Variants in PADI6 observed in about 807,000 individuals in gnomAD.
The protein encoded by PADI6 is peptidyl arginine deiminase 6, also known as inactive protein-arginine deiminase type-6.
A neutral mutation model predicts 78.2 loss-of-function variants in PADI6; 66 were observed. The observed-to-expected ratio is 0.84, with a 90% CI of 0.69 to 1.04. PADI6 has a LOEUF of 1.04. Ranked by LOEUF, PADI6 falls within the 50% of genes least tolerant of loss-of-function variation. The pLI, the probability that PADI6 is intolerant of heterozygous loss-of-function variation, is 0.00. For synonymous variants in PADI6, 397 were observed against 346.9 expected (o/e 1.14, Z -1.60); for missense variants, 854 against 866.1 (o/e 0.99, Z 0.18).
In PADI6 at chr1:17,398,980, C is replaced by A. The variant is rs1180074242; in HGVS notation, c.1851+133C>A. The A allele has an allele frequency of 4.9e-6, 5 of 1,020,732 alleles. No individual in the cohort carries two copies. The Admixed American group carries it at 7.4e-5, about 15-fold the overall frequency. 63.2% of individuals were successfully genotyped at this position (1,020,732 alleles called of 1,614,324 possible). A position where few individuals can be genotyped will look rare whatever the true frequency, so the allele number is the denominator to read the frequency against. On this transcript the variant is annotated intron_variant, in intron 15 of 15. Transcript: ENST00000619609. ...CCTATGAGGAAATGGGAGGGAGACC[C>A]CTTCTCCCCCATCTCGGTTAGGGAC...
chr1:17,375,898 C>G (rs575864722), intron 3 of PADI6, among the ~76,000 whole-genome samples: 2 of 152,264 alleles, frequency 1.3e-5, no homozygotes, highest in East Asian at 3.9e-4. Flanking sequence ...TCAATTCTTA[C>G]CAATGTAAGA....
At chr1:17,383,073 G>A (rs898797126) in intron 6 of PADI6, among the ~76,000 whole-genome samples, 1 of 152,188 alleles carries the variant, frequency 6.6e-6, no homozygotes, top group South Asian at 2.1e-4. Context: ...GTGAGCTACT[G>A]CACCCGGCCC....
At chr1:17,395,711 C>G (rs1204535382) in intron 13 of PADI6, 48 bp downstream of exon 13, 2 of 1,570,050 alleles carry the variant, frequency 1.3e-6, no homozygotes, top group Admixed American at 3.5e-5. Context: ...CTTCCTTTTT[C>G]CAGGGGTCCT....
At position 17,398,643 on chromosome 1, in the gene PADI6, CT is replaced by C. The variant is rs1364505927; in HGVS notation, c.1690-41del. 1.4e-4 allele frequency: 93 copies of C among 682,330 alleles called. 2 individuals are homozygous for C. The highest frequency in any genetic ancestry group is 9.1e-6 in the Non-Finnish European group (4 of 439,148). 42.3% of individuals were successfully genotyped at this position (682,330 alleles called of 1,614,324 possible). A position where few individuals can be genotyped will look rare whatever the true frequency, so the allele number is the denominator to read the frequency against. On this transcript the variant is annotated intron_variant, in intron 14 of 15. Coordinates refer to ENST00000619609, the MANE Select transcript of PADI6 (RefSeq NM_207421.4). ...TGGTTTTAATTCCTGATGAGCTCTC[CT>C]TGCTCCCCCGCCCCCCCCCCCACCC...
At chr1:17,391,764 C>G (rs942667440) in intron 8 of PADI6, among the ~76,000 whole-genome samples, 1 of 152,174 alleles carries the variant, frequency 6.6e-6, no homozygotes, top group Non-Finnish European at 1.5e-5. Context: ...TGCGGTGAGT[C>G]AGATCATGCC....
intron 8 of PADI6, among the ~76,000 whole-genome samples, chr1:17,391,262 C>T (rs1570143173): frequency 2.0e-5 from 3 of 152,252 alleles, no homozygotes; most frequent in African/African-American, 7.2e-5. Flanking sequence ...CTCCGTTGCC[C>T]AGACTGGAGT....
intron 2 of PADI6, 75 bp downstream of exon 2, chr1:17,373,308 C>T: frequency 2.0e-6 from 3 of 1,533,954 alleles, no homozygotes; most frequent in Non-Finnish European, 2.7e-6. Flanking sequence ...TTCCTCCTGG[C>T]TGCAGACGTG....
intron 6 of PADI6, among the ~76,000 whole-genome samples, chr1:17,388,025 G>C (rs1030683380): frequency 6.6e-6 from 1 of 152,126 alleles, no homozygotes; most frequent in African/African-American, 2.4e-5. Flanking sequence ...TCACCTTTAG[G>C]ACTCTGATAT....
intron 1 of PADI6, 60 bp downstream of exon 1, chr1:17,372,421 C>A: frequency 6.7e-7 from 1 of 1,485,586 alleles, no homozygotes; most frequent in South Asian, 1.1e-5. Context: ...GCCTGGGACC[C>A]AGTCCCCTTG....
Sources: gnomAD v4.1 joint callset for allele counts (sites outside exome capture counted in the v4.1 genomes callset) on GRCh38, gnomAD v4.1.1 for gene constraint, MANE v1.5 for transcripts, NCBI Gene and HGNC (gene_info 2026-07-23, HGNC 2026-07-21) for gene names.